Variants in G3BP2 observed in about 807,000 individuals in gnomAD.
The protein encoded by G3BP2 is ras GTPase-activating protein-binding protein 2.
A neutral mutation model predicts 56.7 loss-of-function variants in G3BP2; 11 were observed. The observed-to-expected ratio is 0.19, with a 90% CI of 0.12 to 0.32. The LOEUF (loss-of-function observed/expected upper bound fraction) is 0.32, where lower values mean the gene tolerates loss of function less well. G3BP2 is among the 10% of genes least tolerant of loss of function. The pLI is 1.00. For synonymous variants in G3BP2, 165 were observed against 191.6 expected (o/e 0.86, Z 1.15); for missense variants, 340 against 610.9 (o/e 0.56, Z 4.67).
intron 11 of G3BP2, 40 bp downstream of exon 11, chr4:75,646,298 A>C (rs780790145): frequency 1.1e-6 from 1 of 887,886 alleles, no homozygotes; most frequent in Non-Finnish European, 1.8e-6. Flanking sequence ...TATACAACAG[A>C]AATAATAAAG....
At chr4:75,656,308 T>A (rs903802593) in intron 5 of G3BP2, among the ~76,000 whole-genome samples, 9 of 149,964 alleles carry the variant, frequency 6.0e-5, no homozygotes, top group Non-Finnish European at 1.2e-4. Context: ...TTTTTTTTTT[T>A]AATAACAAAG....
intron 8 of G3BP2, among the ~76,000 whole-genome samples, chr4:75,650,160 C>T (rs765872258): frequency 6.6e-6 from 1 of 151,604 alleles, no homozygotes; most frequent in Non-Finnish European, 1.5e-5. Context: ...TTCAGCCAGG[C>T]ACAGTAGCTC....
intron 3 of G3BP2, 124 bp from the exon 4 acceptor site, chr4:75,657,854 TCCAACGA>T (rs1412856741): frequency 6.5e-6 from 4 of 617,406 alleles, no homozygotes; most frequent in Non-Finnish European, 1.1e-5. Context: ...CTGAACTGAA[TCCAACGA>T]CCATGCTGTG....
At chr4:75,717,511 G>T (rs1719975240) in intron 3 of G3BP2, among the ~76,000 whole-genome samples, 1 of 152,122 alleles carries the variant, frequency 6.6e-6, no homozygotes, top group Admixed American at 6.6e-5. Flanking sequence ...ACAAATACTT[G>T]CTTGGGGCAT....
chr4:75,646,210 C>G, intron 11 of G3BP2, 128 bp downstream of exon 11: 1 of 605,136 alleles, frequency 1.7e-6, no homozygotes, highest in South Asian at 2.0e-5. Context: ...TTATTCTTTG[C>G]ATAAATACCA....
At chr4:75,700,941 C>A (rs1453122110) in intron 3 of G3BP2, among the ~76,000 whole-genome samples, 1 of 150,820 alleles carries the variant, frequency 6.6e-6, no homozygotes, top group African/African-American at 2.4e-5. Flanking sequence ...TGGGTTCAAG[C>A]GATTCTCCTG....
intron 1 of G3BP2, among the ~76,000 whole-genome samples, chr4:75,663,428 T>A (rs1025320567): frequency 7.2e-5 from 11 of 152,126 alleles, no homozygotes; most frequent in Admixed American, 2.0e-4. Flanking sequence ...CCTGGCTAAT[T>A]TTTTTAAATT....
At chr4:75,686,482 G>A (rs1718608027) in intron 3 of G3BP2, among the ~76,000 whole-genome samples, 1 of 149,790 alleles carries the variant, frequency 6.7e-6, no homozygotes, top group Non-Finnish European at 1.5e-5. Context: ...GGTGGGTGGT[G>A]TAAGAATGAG....
chr4:75,720,581 G>C (rs1720127947), intron 3 of G3BP2, among the ~76,000 whole-genome samples: 1 of 151,188 alleles, frequency 6.6e-6, no homozygotes, highest in Non-Finnish European at 1.5e-5. Context: ...CGGATCATAA[G>C]GTCAGGAGAT....
intron 2 of G3BP2, among the ~76,000 whole-genome samples, chr4:75,659,295 TCAGATA>T (rs950831677): frequency 5.9e-5 from 9 of 152,202 alleles, no homozygotes; most frequent in Admixed American, 5.9e-4. Context: ...GTTTTTTTCT[TCAGATA>T]CAAAGACTCA....
At chr4:75,687,792 C>T (rs190012368) in intron 3 of G3BP2, among the ~76,000 whole-genome samples, 12 of 152,254 alleles carry the variant, frequency 7.9e-5, no homozygotes. Flanking sequence ...CAGGAGTGGC[C>T]AACTTGGAGA....
rs185616527 is a variant in G3BP2, at chr4:75,658,116, C to T, written c.178-386G>A. ...AAATCTTGTGGTCTCACATCCTCTA[C>T]ACAAAGTCTTCCTTCCCTGTTAGGC... On this transcript the variant is annotated intron_variant, in intron 3 of 11. Coordinates refer to ENST00000359707, the MANE Select transcript of G3BP2 (RefSeq NM_203505.3). Among the ~76,000 whole-genome samples the T allele has an allele frequency of 2.4e-3, 364 of 152,300 alleles. 1 individual carries two copies. The highest frequency in any genetic ancestry group is 4.4e-3 in the Non-Finnish European group (298 of 68,026).
At chr4:75,672,888 G>A in intron 1 of G3BP2, 2 of 480,596 alleles carry the variant, frequency 4.2e-6, no homozygotes, top group Non-Finnish European at 5.4e-6. Context: ...TTCGGGAGCT[G>A]CTGCGTGCCT....
At chr4:75,688,576 G>A (rs1718719523) in intron 3 of G3BP2, among the ~76,000 whole-genome samples, 1 of 152,170 alleles carries the variant, frequency 6.6e-6, no homozygotes. Context: ...AGAGGACACA[G>A]CACAAAACCT....
At chr4:75,673,827 C>T (rs184002063), upstream of G3BP2, 310 of 259,412 alleles carry the variant, frequency 1.2e-3, no homozygotes, top group African/African-American at 6.5e-3. Context: ...CTGCAGGTTG[C>T]TGCTGTAGAC....
intron 1 of G3BP2, among the ~76,000 whole-genome samples, chr4:75,667,125 A>G (rs1009230881): frequency 6.6e-6 from 1 of 151,832 alleles, no homozygotes; most frequent in Non-Finnish European, 1.5e-5. Context: ...CGTCTCTACT[A>G]AAAAATACAA....
chr4:75,680,084 GACGCC>G (rs995057878), intron 3 of G3BP2, among the ~76,000 whole-genome samples: 6 of 152,178 alleles, frequency 3.9e-5, no homozygotes, highest in African/African-American at 1.4e-4. Context: ...CTGGATATGA[GACGCC>G]ACAAGGTTAT....
At chr4:75,696,524 T>C (rs550849915) in intron 3 of G3BP2, among the ~76,000 whole-genome samples, 2 of 152,290 alleles carry the variant, frequency 1.3e-5, no homozygotes, top group East Asian at 3.9e-4. Flanking sequence ...ATGGTGTCCA[T>C]GGTTTTGAGA....
Position 75,657,629 on chromosome 4 carries a change from C to G in G3BP2, c.279G>C (p.Gln93His). Residue 93 changes from glutamine (Q) to histidine (H), a missense_variant, in exon 4 of 12, where the codon CAG becomes CAC. Gln to His is a conservative substitution (Grantham distance 24). Around this residue, in one of 4 missense-constraint regions of G3BP2, gnomAD observed 224 missense variants for 332.5 expected, o/e 0.67. Coordinates refer to ENST00000359707, the MANE Select transcript of G3BP2 (RefSeq NM_203505.3). ...CACTGTTAGACAGCAAACCCATGAC[C>G]TGGACAACTACTCCATCACTCAAGG... is the stretch of plus-strand genomic sequence containing the variant. ...HATLSDGVVV[Q>H]VMGLLSNSGQ... The G allele has an allele frequency of 6.2e-7, 1 of 1,613,422 alleles. No homozygotes were observed.
Sources: allele counts gnomAD v4.1 joint callset (sites outside exome capture counted in the v4.1 genomes callset), GRCh38; gene constraint gnomAD v4.1.1; regional missense constraint gnomAD v4.1.1; transcripts MANE v1.5; gene names NCBI Gene and HGNC (gene_info 2026-07-23, HGNC 2026-07-21).